USP40: variants seen among roughly 807,000 people sequenced by gnomAD.
The protein encoded by USP40 is ubiquitin specific peptidase 40, also known as ubiquitin carboxyl-terminal hydrolase 40.
A neutral mutation model predicts 166.2 loss-of-function variants in USP40; 143 were observed. That is an observed-to-expected ratio of 0.86 (90% CI 0.75 to 0.99). The LOEUF is 0.99. USP40 is among the 50% of genes least tolerant of loss of function. The probability of loss-of-function intolerance (pLI) is 0.00; values close to 1 mark genes in which losing one functional copy is unlikely to be tolerated. For missense variants in USP40, 1,444 were observed against 1,479.7 expected (o/e 0.98, Z 0.40); for synonymous variants, 498 against 524.0 (o/e 0.95, Z 0.68).
rs1239840539 is a variant in USP40, at chr2:233,491,177, A to T, written c.3002T>A (p.Leu1001Gln). The change falls in exon 26 of 32, where the codon CTG becomes CAG. Residue 1001 changes from leucine to glutamine, a missense_variant. Leu to Gln is a moderately radical substitution (Grantham distance 113). Transcript: ENST00000678225. Reference protein sequence around the residue: ...EISEDATLAELKSQAMTLPPF... With the variant: ...EISEDATLAEQKSQAMTLPPF... ...AGGAAGAAGTCTGACCTGAGACTTC[A>T]GCTCCGCCAGCGTGGCATCTTCTGA... 2 of 1,608,032 alleles carry T rather than the reference A, an allele frequency of 1.2e-6. No individual in the cohort carries two copies. The highest frequency in any genetic ancestry group is 1.7e-5 in the Admixed American group (1 of 59,360).
At chr2:233,565,086 C>T (rs1028139920) in intron 2 of USP40, among the ~76,000 whole-genome samples, 4 of 152,082 alleles carry the variant, frequency 2.6e-5, no homozygotes, top group African/African-American at 9.7e-5. Context: ...ATTGTCTTTA[C>T]GTTGTACTTT....
chr2:233,484,338 T>C (rs576033073), intron 30 of USP40, among the ~76,000 whole-genome samples: 6 of 152,378 alleles, frequency 3.9e-5, no homozygotes, highest in Non-Finnish European at 7.3e-5. Context: ...GAACATGACG[T>C]GGCTCTAACA....
intron 11 of USP40, among the ~76,000 whole-genome samples, chr2:233,532,433 A>C (rs892270841): frequency 6.6e-6 from 1 of 152,124 alleles, no homozygotes; most frequent in Non-Finnish European, 1.5e-5. Context: ...CTCCCAATTC[A>C]TTTACATGAG....
At chr2:233,533,418 T>C (rs940057979) in intron 11 of USP40, 61 bp downstream of exon 11, 99 of 1,497,544 alleles carry the variant, frequency 6.6e-5, no homozygotes, top group Non-Finnish European at 7.7e-5. Context: ...TCAAACAGCA[T>C]TCCATGTTTA....
In USP40 at chr2:233,480,079, C is replaced by T. The variant is rs992242198; in HGVS notation, c.3599+1124G>A. Among the ~76,000 whole-genome samples the T allele has an allele frequency of 1.2e-4, 19 of 152,182 alleles. No homozygotes were observed. The highest frequency in any genetic ancestry group is 4.3e-4 in the African/African-American group (18 of 41,440). On this transcript the variant is annotated intron_variant, in intron 31 of 31. Coordinates refer to ENST00000678225, the MANE Select transcript of USP40 (RefSeq NM_001365479.2). This position sits in a 1 kb window ranked among gnomAD's most constrained non-coding sequence, Gnocchi z 4.5. ...CACACCCTCCAGCAGCCTCTAACCA[C>T]GCTCGAACCCCCACTTCTGCCATGG... is the stretch of plus-strand genomic sequence containing the variant.
intron 30 of USP40, 57 bp from the exon 31 acceptor site, chr2:233,481,354 TA>T (rs758459191): frequency 6.8e-7 from 1 of 1,463,120 alleles, no homozygotes; most frequent in African/African-American, 1.4e-5. Flanking sequence ...AGCCTACATT[TA>T]AAAGAGGCAT....
chr2:233,531,455 T>A (rs2068517759), intron 11 of USP40, among the ~76,000 whole-genome samples: 1 of 152,198 alleles, frequency 6.6e-6, no homozygotes, highest in African/African-American at 2.4e-5. Flanking sequence ...AAGAAAACTG[T>A]CATTTACATA....
chr2:233,481,354 TAA>T (rs758459191), intron 30 of USP40, 57 bp from the exon 31 acceptor site: 7 of 1,463,240 alleles, frequency 4.8e-6, no homozygotes, highest in Non-Finnish European at 6.5e-6. Context: ...AGCCTACATT[TAA>T]AAGAGGCATG....
At chr2:233,525,455 C>G (rs1483671203) in intron 14 of USP40, 23 bp downstream of exon 14, 3 of 1,590,360 alleles carry the variant, frequency 1.9e-6, no homozygotes. Context: ...GAGTGAGTTG[C>G]TATGTTTTCA....
intron 9 of USP40, among the ~76,000 whole-genome samples, chr2:233,541,655 C>T (rs2069424911): frequency 6.6e-6 from 1 of 152,156 alleles, no homozygotes; most frequent in Non-Finnish European, 1.5e-5. Context: ...AGGTCCCTAG[C>T]AGGAATTATA....
chr2:233,561,009 C>T (rs1400208658), intron 3 of USP40: 3 of 930,192 alleles, frequency 3.2e-6, no homozygotes, highest in Non-Finnish European at 5.2e-6. Flanking sequence ...TTCCATTACC[C>T]ATAGGGTATA....
chr2:233,517,401 T>TTTTTTTTTTTA (rs1575274785), intron 18 of USP40, among the ~76,000 whole-genome samples: 1 of 150,352 alleles, frequency 6.7e-6, no homozygotes. Flanking sequence ...TTTTTTTTTT[T>TTTTTTTTTTTA]TGAGACGGAG....
At chr2:233,526,553 A>C (rs1282438102) in intron 13 of USP40, among the ~76,000 whole-genome samples, 2 of 152,230 alleles carry the variant, frequency 1.3e-5, no homozygotes, top group African/African-American at 4.8e-5. Flanking sequence ...AAATTGAAAG[A>C]AAGCTAATAG....
Position 233,509,965 on chromosome 2 carries a change from A to G in USP40, c.2613+84T>C, listed in dbSNP as rs562904039. On this transcript the variant is annotated intron_variant, in intron 21 of 31. Transcript: ENST00000678225. The stretch of plus-strand genomic sequence containing the variant: ...TATCAGGCCTAGTTTAGGACCTCCA[A>G]ATCTTAACACAGGATACCACTGTTC... The G allele has an allele frequency of 1.7e-4, 189 of 1,119,664 alleles. 1 individual carries two copies. In the South Asian group the frequency reaches 1.9e-3, roughly 11 times the overall value. 69.4% of individuals were successfully genotyped at this position (1,119,664 alleles called of 1,614,324 possible).
intron 21 of USP40, among the ~76,000 whole-genome samples, chr2:233,503,158 CA>C: frequency 6.6e-6 from 1 of 152,250 alleles, no homozygotes; most frequent in African/African-American, 2.4e-5. Context: ...TAATCTGAAT[CA>C]GAAATTCATC....
chr2:233,539,212 CA>C (rs56701014), intron 10 of USP40, among the ~76,000 whole-genome samples: 2,945 of 146,922 alleles, frequency 0.02, 81 homozygotes, highest in African/African-American at 0.069. Flanking sequence ...ATAGAAAAGG[CA>C]AAAAAAAAAA....
At chr2:233,518,437 C>T (rs752428382) in intron 18 of USP40, among the ~76,000 whole-genome samples, 34 of 151,272 alleles carry the variant, frequency 2.2e-4, no homozygotes, top group Non-Finnish European at 4.3e-4. Flanking sequence ...CGTGGTGGCA[C>T]ACGCCTGTAA....
rs2072062325 is a variant in USP40 at position 233,565,480 on chromosome 2, C to A, written c.75G>T (p.Lys25Asn). The stretch of plus-strand genomic sequence containing the variant: ...GAGCAGGTGGCTCCAAAGCTTTAGT[C>A]TTTAATTTCTTCCCTTTTCCATACT... ...NNQYGKGKKL[K>N]TKALEPPAPR... The change falls in exon 2 of 32, where the codon AAG becomes AAT. Residue 25 changes from lysine to asparagine, a missense_variant. Coordinates refer to ENST00000678225, the MANE Select transcript of USP40 (RefSeq NM_001365479.2). 2 of 1,537,154 alleles carry A rather than the reference C, an allele frequency of 1.3e-6. No individual in the cohort carries two copies. The highest frequency in any genetic ancestry group is 1.7e-6 in the Non-Finnish European group (2 of 1,146,856).
intron 26 of USP40, chr2:233,489,760 A>G (rs1192018473): frequency 2.2e-5 from 7 of 317,742 alleles, no homozygotes; most frequent in African/African-American, 6.6e-5. Context: ...TTTAATCATC[A>G]TGTTTAAAAA....
Sources: gnomAD v4.1 joint callset for allele counts (sites outside exome capture counted in the v4.1 genomes callset) on GRCh38, gnomAD v4.1.1 for gene constraint, Gnocchi (gnomAD v3.1) non-coding constraint, MANE v1.5 for transcripts, NCBI Gene and HGNC (gene_info 2026-07-23, HGNC 2026-07-21) for gene names.